TTC7B: variants seen among roughly 807,000 people sequenced by gnomAD.
TTC7B encodes the protein tetratricopeptide repeat protein 7B.
A neutral mutation model predicts 106.8 loss-of-function variants in TTC7B; 28 were observed. That is an observed-to-expected ratio of 0.26 (90% CI 0.19 to 0.36). The LOEUF (loss-of-function observed/expected upper bound fraction) is 0.36. Among genes scored for constraint, TTC7B ranks in the 10% least tolerant of loss-of-function variants. TTC7B has a pLI of 1.00. For missense variants in TTC7B, 862 were observed against 1,076.4 expected (o/e 0.80, Z 2.79); for synonymous variants, 405 against 430.6 (o/e 0.94, Z 0.74).
intron 4 of TTC7B, among the ~76,000 whole-genome samples, chr14:90,734,421 CAA>C (rs34498613): frequency 2.3e-4 from 27 of 119,716 alleles, no homozygotes; most frequent in Non-Finnish European, 2.4e-4. Flanking sequence ...CTCTGTCTCC[CAA>C]AAAAAAAAAA....
intron 4 of TTC7B, among the ~76,000 whole-genome samples, chr14:90,737,092 A>G (rs375019445): frequency 4.6e-5 from 7 of 152,238 alleles, no homozygotes; most frequent in African/African-American, 1.7e-4. Context: ...TTAAACATGG[A>G]AAATTACTGG....
chr14:90,593,890 G>C, intron 17 of TTC7B: 1 of 340,316 alleles, frequency 2.9e-6, no homozygotes, highest in Non-Finnish European at 5.3e-6. Context: ...TGGCAGATGG[G>C]GGGCCAGATA....
chr14:90,658,054 A>G (rs1886022534), intron 10 of TTC7B: 1 of 507,866 alleles, frequency 2.0e-6, no homozygotes. Context: ...AGCCATGTCC[A>G]TGACACCTGA....
Position 90,644,253 on chromosome 14 carries a change from A to ACATG in TTC7B, c.1591-46_1591-45insCATG, listed in dbSNP as rs746947872. On this transcript the variant is annotated intron_variant, in intron 14 of 19. Coordinates refer to ENST00000328459, the MANE Select transcript of TTC7B (RefSeq NM_001010854.2). ...AAAAAGGTTTTACATACACACATGC[A>ACATG]CACGCACACACACACACACACACAC... The ACATG allele has an allele frequency of 9.4e-6, 13 of 1,378,232 alleles. No individual in the cohort carries two copies. In the African/African-American group the frequency reaches 2.3e-4, roughly 24 times the overall value. The allele number at this position is 1,378,232 out of a possible 1,614,324, so 85.4% of individuals were successfully genotyped here.
At chr14:90,556,903 G>A (rs1382999545) in intron 19 of TTC7B, among the ~76,000 whole-genome samples, 1 of 152,184 alleles carries the variant, frequency 6.6e-6, no homozygotes, top group African/African-American at 2.4e-5. Context: ...AGCTCCCCCA[G>A]AAGCCAGGGA....
rs1391445089 is a variant in TTC7B at position 90,541,181 on chromosome 14, AAAC to A, written c.*184_*186del. On this transcript the variant is annotated 3_prime_UTR_variant, in exon 20 of 20. Transcript: ENST00000328459. The stretch of plus-strand genomic sequence containing the variant: ...GAAACTACCATTGGGCTGGCAAAAA[AAAC>A]AAGAGAAACGCACATGGCGAGAGCG... 6.0e-6 allele frequency: 3 copies of A among 496,250 alleles called. No homozygotes were observed. The East Asian group carries it at 9.0e-5, about 15-fold the overall frequency. 30.7% of individuals were successfully genotyped at this position (496,250 alleles called of 1,614,324 possible).
chr14:90,561,173 G>A (rs1213712316), intron 19 of TTC7B, among the ~76,000 whole-genome samples: 1 of 152,174 alleles, frequency 6.6e-6, no homozygotes, highest in African/African-American at 2.4e-5. Context: ...GGCATGCTCC[G>A]CTCCTCTGTT....
At chr14:90,758,786 C>A (rs906869344) in intron 3 of TTC7B, among the ~76,000 whole-genome samples, 1 of 152,172 alleles carries the variant, frequency 6.6e-6, no homozygotes, top group Non-Finnish European at 1.5e-5. Flanking sequence ...CTGGGAGCCC[C>A]TCCCCAAATG....
chr14:90,670,662 C>A (rs1405680038), intron 9 of TTC7B, among the ~76,000 whole-genome samples: 1 of 152,132 alleles, frequency 6.6e-6, no homozygotes, highest in African/African-American at 2.4e-5. Flanking sequence ...GAAAGCAATG[C>A]TTAATTCAAA....
chr14:90,593,112 T>C (rs1259215969), intron 18 of TTC7B, among the ~76,000 whole-genome samples: 1 of 152,188 alleles, frequency 6.6e-6, no homozygotes, highest in Non-Finnish European at 1.5e-5. Context: ...CTAAATACTT[T>C]AACTCAAATC....
At chr14:90,636,420 G>A (rs1346568889) in intron 15 of TTC7B, among the ~76,000 whole-genome samples, 11 of 109,662 alleles carry the variant, frequency 1.0e-4, no homozygotes, top group African/African-American at 1.3e-4. Flanking sequence ...CTGCTATAAC[G>A]ATGTGGTAAA....
chr14:90,676,336 C>T, intron 9 of TTC7B, 187 bp downstream of exon 9: 1 of 511,466 alleles, frequency 2.0e-6, no homozygotes, highest in Admixed American at 3.4e-5. Context: ...AGATCAATTC[C>T]ACCACCTAAT....
intron 3 of TTC7B, among the ~76,000 whole-genome samples, chr14:90,779,836 G>A (rs1297303006): frequency 6.6e-6 from 1 of 152,200 alleles, no homozygotes; most frequent in South Asian, 2.1e-4. Flanking sequence ...AGTGCAAACT[G>A]CTTCATGGCA....
intron 12 of TTC7B, among the ~76,000 whole-genome samples, chr14:90,653,829 T>C (rs1473108700): frequency 1.3e-5 from 2 of 152,026 alleles, no homozygotes; most frequent in Non-Finnish European, 2.9e-5. Context: ...GGAAGCCCCA[T>C]AGGGTCAAGC....
intron 18 of TTC7B, among the ~76,000 whole-genome samples, chr14:90,579,410 C>T (rs774498521): frequency 6.6e-6 from 1 of 152,232 alleles, no homozygotes; most frequent in Non-Finnish European, 1.5e-5. Context: ...CCCCTATCTC[C>T]CAGTTATGTG....
intron 19 of TTC7B, among the ~76,000 whole-genome samples, chr14:90,561,698 G>A (rs1426054972): frequency 6.6e-6 from 1 of 152,190 alleles, no homozygotes; most frequent in Admixed American, 6.5e-5. Flanking sequence ...AGCCACTTCT[G>A]CTCCTGACAC....
At chr14:90,670,883 A>C (rs1886606117) in intron 9 of TTC7B, among the ~76,000 whole-genome samples, 1 of 152,124 alleles carries the variant, frequency 6.6e-6, no homozygotes, top group South Asian at 2.1e-4. Context: ...AATGACCTTT[A>C]ACCTTTGGGC....
At chr14:90,605,314 C>T (rs188292743) in intron 17 of TTC7B, among the ~76,000 whole-genome samples, 8 of 152,266 alleles carry the variant, frequency 5.3e-5, no homozygotes, top group Non-Finnish European at 7.4e-5. Context: ...CAGGAAAGCA[C>T]GGAAGGACCC....
chr14:90,627,567 T>A (rs1884501138), intron 15 of TTC7B, among the ~76,000 whole-genome samples: 1 of 152,234 alleles, frequency 6.6e-6, no homozygotes, highest in African/African-American at 2.4e-5. Context: ...GAGGCTGTGG[T>A]GAGTGGCAGC....
Sources: gnomAD v4.1 joint callset for allele counts (sites outside exome capture counted in the v4.1 genomes callset) on GRCh38, gnomAD v4.1.1 for gene constraint, MANE v1.5 for transcripts, NCBI Gene and HGNC (gene_info 2026-07-23, HGNC 2026-07-21) for gene names.